The following RGS6 variants were observed in gnomAD, a reference collection of about 807,000 sequenced individuals.
The protein encoded by RGS6 is regulator of G protein signaling 6.
A neutral mutation model predicts 78.5 loss-of-function variants in RGS6; 30 were observed. The observed-to-expected ratio is 0.38, with a 90% CI of 0.29 to 0.52. RGS6 has a LOEUF of 0.52. Among genes scored for constraint, RGS6 ranks in the 20% least tolerant of loss-of-function variants. RGS6 has a pLI of 0.85. For missense variants in RGS6, 495 were observed against 609.7 expected (o/e 0.81, Z 1.98); for synonymous variants, 206 against 206.0 (o/e 1.00, Z 0.00).
rs2060517518 is a variant in RGS6, at chr14:72,275,356, G to C, written c.85-76739G>C. Among the ~76,000 whole-genome samples the C allele has an allele frequency of 1.3e-5, 2 of 152,118 alleles. 1 individual carries two copies. Among genetic ancestry groups the C allele is most frequent in the South Asian group, 4.1e-4 (2 of 4,822 alleles). On this transcript the variant is annotated intron_variant, in intron 2 of 17. Coordinates refer to ENST00000553525, the MANE Select transcript of RGS6 (RefSeq NM_001204424.2). ...CTCAGTGGATAGTCCCCAGAACCAA[G>C]TTAGGCTAGTTCATGAGGCATTTCA...
intron 17 of RGS6, chr14:72,553,228 C>A (rs1216512794): frequency 1.3e-5 from 2 of 152,646 alleles, no homozygotes; most frequent in African/African-American, 4.8e-5. Context: ...AGCCACAGGT[C>A]TTCACAGTTT....
chr14:71,937,381 C>T (rs957848352), intron 1 of RGS6, among the ~76,000 whole-genome samples: 2 of 152,070 alleles, frequency 1.3e-5, no homozygotes, highest in African/African-American at 4.8e-5. Flanking sequence ...TGAGTGGTGC[C>T]ACTTCCACTT....
At chr14:72,088,536 C>G (rs1169374489) in intron 2 of RGS6, among the ~76,000 whole-genome samples, 1 of 152,158 alleles carries the variant, frequency 6.6e-6, no homozygotes, top group Non-Finnish European at 1.5e-5. Flanking sequence ...TTATTGACAT[C>G]AAGCTACCAT....
At chr14:72,328,744 T>C (rs2074343721) in intron 2 of RGS6, among the ~76,000 whole-genome samples, 2 of 152,166 alleles carry the variant, frequency 1.3e-5, no homozygotes, top group Admixed American at 6.5e-5. Context: ...ACGAAATGGG[T>C]GTGAGATTGA....
chr14:71,994,987 T>C (rs539117875), intron 2 of RGS6, among the ~76,000 whole-genome samples: 1 of 152,322 alleles, frequency 6.6e-6, no homozygotes, highest in Admixed American at 6.5e-5. Context: ...GACCCTGTCC[T>C]ATGTGGAACT....
chr14:72,580,173 G>A, the RGS6 span, among the ~76,000 whole-genome samples: 11 of 152,246 alleles, frequency 7.2e-5, no homozygotes, highest in South Asian at 8.3e-4. Context: ...TATGACAGAC[G>A]CAAATTCCTC....
At chr14:72,619,488 C>A in the RGS6 span, 1 of 1,138,940 alleles carries the variant, frequency 8.8e-7, no homozygotes, top group Non-Finnish European at 1.2e-6. Context: ...GAAACCAAGT[C>A]CCAGGCCTGA....
intron 17 of RGS6, chr14:72,550,646 A>G: frequency 3.3e-6 from 5 of 1,498,802 alleles, no homozygotes; most frequent in Non-Finnish European, 4.4e-6. Flanking sequence ...GGCATCCATA[A>G]TTCTAAATAA....
intron 2 of RGS6, among the ~76,000 whole-genome samples, chr14:72,138,474 T>TA (rs1555503665): frequency 4.2e-5 from 6 of 144,230 alleles, no homozygotes; most frequent in Admixed American, 1.4e-4. Context: ...TTTTTTTTTT[T>TA]ACTTTCTTGG....
At chr14:72,562,369 C>G in intron 17 of RGS6, 48 bp from the exon 18 acceptor site, 1 of 1,579,464 alleles carries the variant, frequency 6.3e-7, no homozygotes, top group Non-Finnish European at 8.7e-7. Flanking sequence ...GTCTCTGTCC[C>G]TCTGTGTGTG....
chr14:72,472,197 A>T (rs1455959279), intron 8 of RGS6, among the ~76,000 whole-genome samples: 1 of 151,370 alleles, frequency 6.6e-6, no homozygotes, highest in East Asian at 1.9e-4. Context: ...AAAGAAAAAG[A>T]AAAAACCTCT....
chr14:72,574,351 C>T, the RGS6 span, among the ~76,000 whole-genome samples: 5 of 152,172 alleles, frequency 3.3e-5, no homozygotes, highest in Admixed American at 6.5e-5. Context: ...GCCCCCTCCA[C>T]GGCCCAGCCT....
At chr14:72,196,072 C>G (rs1006644435) in intron 2 of RGS6, among the ~76,000 whole-genome samples, 2 of 151,960 alleles carry the variant, frequency 1.3e-5, no homozygotes, top group African/African-American at 4.8e-5. Context: ...AGTAGTGGAG[C>G]CATGAAATGG....
At chr14:71,962,117 CAA>C (rs1247247338) in intron 1 of RGS6, among the ~76,000 whole-genome samples, 1 of 152,166 alleles carries the variant, frequency 6.6e-6, no homozygotes, top group Non-Finnish European at 1.5e-5. Flanking sequence ...GTCTGAGTTT[CAA>C]AACGAGTTAA....
At chr14:72,324,984 T>C (rs534034514) in intron 2 of RGS6, among the ~76,000 whole-genome samples, 47 of 152,326 alleles carry the variant, frequency 3.1e-4, no homozygotes, top group African/African-American at 1.1e-3. Flanking sequence ...AGTGTAAAAG[T>C]GTTCCTATTT....
the RGS6 span, among the ~76,000 whole-genome samples, chr14:71,873,860 G>A: frequency 2.0e-5 from 3 of 152,094 alleles, no homozygotes; most frequent in East Asian, 1.9e-4. Flanking sequence ...TTCTACATAT[G>A]GCTAGCCAGT....
chr14:72,621,231 T>C, the RGS6 span, among the ~76,000 whole-genome samples: 1 of 152,182 alleles, frequency 6.6e-6, no homozygotes, highest in Non-Finnish European at 1.5e-5. Context: ...ATCCCCTTTA[T>C]GGACTATAAA....
chr14:72,499,851 C>T (rs2096698557), intron 13 of RGS6, among the ~76,000 whole-genome samples: 1 of 152,098 alleles, frequency 6.6e-6, no homozygotes, highest in African/African-American at 2.4e-5. Context: ...GCCACCTCAT[C>T]CCTCCAGCTG....
the RGS6 span, among the ~76,000 whole-genome samples, chr14:71,914,012 G>A: frequency 6.6e-6 from 1 of 152,214 alleles, no homozygotes; most frequent in Non-Finnish European, 1.5e-5. Context: ...TCAAGATCCT[G>A]ACTCCAACTG....
Sources: gnomAD v4.1 joint callset for allele counts (sites outside exome capture counted in the v4.1 genomes callset) on GRCh38, gnomAD v4.1.1 for gene constraint, MANE v1.5 for transcripts, NCBI Gene and HGNC (gene_info 2026-07-23, HGNC 2026-07-21) for gene names.